Variants in EFNB1 observed in about 807,000 individuals in gnomAD.
EFNB1 encodes ephrin-B1.
EFNB1 carries 1 observed loss-of-function variant against 18.1 expected under a neutral mutation model. That is an observed-to-expected ratio of 0.06 (90% CI 0.02 to 0.26). The LOEUF is 0.26. Ranked by LOEUF, EFNB1 falls within the 10% of genes least tolerant of loss-of-function variation. The pLI, the probability that EFNB1 is intolerant of heterozygous loss-of-function variation, is 1.00. For synonymous variants in EFNB1, 131 were observed against 127.5 expected (o/e 1.03, Z -0.19); for missense variants, 221 against 301.8 (o/e 0.73, Z 1.98).
At position 68,837,944 on chromosome X, in the gene EFNB1, G is replaced by A. The variant is rs988443556; in HGVS notation, c.129-673G>A. On this transcript the variant is annotated intron_variant, in intron 1 of 4. Coordinates refer to ENST00000204961, the MANE Select transcript of EFNB1 (RefSeq NM_004429.5). Reference sequence around the variant, plus strand: ...GTGGGAGTGAGCAGAGCTGCACCTGGCCAGAGACTGTGGCCATCATCCCTT... The same window carrying A: ...GTGGGAGTGAGCAGAGCTGCACCTGACCAGAGACTGTGGCCATCATCCCTT... Among the ~76,000 whole-genome samples, 6 of 112,305 alleles carry A rather than the reference G, an allele frequency of 5.3e-5. No individual in the cohort carries two copies. In the East Asian group the frequency reaches 1.7e-3, roughly 32 times the overall value.
rs748103349 is a variant in EFNB1 at position 68,838,685 on chromosome X, G to A, written c.197G>A (p.Arg66Gln). 2.9e-5 allele frequency: 35 copies of A among 1,210,078 alleles called. No individual in the cohort carries two copies. The Admixed American group carries it at 7.2e-4, about 25-fold the overall frequency. Reference protein sequence around the residue: ...IGDKLDIICPRAEAGRPYEYY... With the variant: ...IGDKLDIICPQAEAGRPYEYY... ...GACAAGCTGGACATCATCTGCCCCCGAGCAGAAGCAGGGCGGCCCTATGAG... is the reference window on the plus strand; with the variant it reads ...GACAAGCTGGACATCATCTGCCCCCAAGCAGAAGCAGGGCGGCCCTATGAG... The change falls in exon 2 of 5, where the codon CGA becomes CAA. Residue 66 changes from arginine to glutamine, a missense_variant. Physicochemically the swap from Arg to Gln is conservative, Grantham distance 43. Transcript: ENST00000204961.
At chrX:68,830,190 C>A (rs1439347210) in intron 1 of EFNB1, among the ~76,000 whole-genome samples, 1 of 111,701 alleles carries the variant, frequency 9.0e-6, no homozygotes, top group Non-Finnish European at 1.9e-5. Context: ...GGAGTCCGGG[C>A]GCCCGAGAGC....
intron 1 of EFNB1, 67 bp downstream of exon 1, chrX:68,829,971 C>G: frequency 8.9e-7 from 1 of 1,128,448 alleles, no homozygotes. Context: ...CCGCACGCCC[C>G]GGAGTGCATG....
rs1048234475 is a variant in EFNB1, at chrX:68,833,887, A to G, written c.128+3983A>G. On this transcript the variant is annotated intron_variant, in intron 1 of 4. Transcript: ENST00000204961. ...CTCCCAACAACCCTGGGAAGTAGGT[A>G]TTGGTCCCATTTTCCAGATAAGAAG... Among the ~76,000 whole-genome samples, 3 of 112,555 alleles carry G rather than the reference A, an allele frequency of 2.7e-5. No individual in the cohort carries two copies. The East Asian group carries it at 8.4e-4, about 32-fold the overall frequency.
At chrX:68,838,303 C>G (rs2080467524) in intron 1 of EFNB1, among the ~76,000 whole-genome samples, 1 of 110,707 alleles carries the variant, frequency 9.0e-6, no homozygotes, top group African/African-American at 3.3e-5. Flanking sequence ...ACCTTGGTAC[C>G]CAGCCCATTG....
intron 1 of EFNB1, among the ~76,000 whole-genome samples, chrX:68,836,683 A>G (rs187469893): frequency 1.3e-4 from 14 of 111,547 alleles, no homozygotes; most frequent in African/African-American, 4.6e-4. Context: ...AAATGGAACC[A>G]CTCTTTTCTC....
intron 1 of EFNB1, among the ~76,000 whole-genome samples, chrX:68,837,371 C>T (rs1278011682): frequency 9.0e-6 from 1 of 111,724 alleles, no homozygotes; most frequent in Non-Finnish European, 1.9e-5. Context: ...CTTGTCTCCC[C>T]ACCACAATAT....
Position 68,838,869 on chromosome X carries a change from G to C in EFNB1, c.381G>C (p.Lys127Asn). The change falls in exon 2 of 5, where the codon AAG becomes AAC. Residue 127 changes from lysine to asparagine, a missense_variant. Physicochemically the swap from Lys to Asn is moderately conservative, Grantham distance 94. Transcript: ENST00000204961. ...FSPNYMGLEF[K>N]KHHDYYITST... ...CCAACTACATGGGCCTGGAGTTCAA[G>C]AAGCACCATGATTACTACATTACCT... 5.0e-6 allele frequency: 6 copies of C among 1,201,392 alleles called. No homozygotes were observed. Among genetic ancestry groups the C allele is most frequent in the Non-Finnish European group, 6.7e-6 (6 of 890,004 alleles).
chrX:68,832,158 G>GTCCCTCTCTGTCTCCC (rs2080447354), intron 1 of EFNB1, among the ~76,000 whole-genome samples: 1 of 110,303 alleles, frequency 9.1e-6, no homozygotes, highest in Non-Finnish European at 1.9e-5. Context: ...CAAATAAACA[G>GTCCCTCTCTGTCTCCC]TCCCTCTCTG....
chrX:68,841,376 CACACACACAAAA>C lies in EFNB1; in HGVS notation c.*724_*735del, dbSNP rs1421666246. On this transcript the variant is annotated 3_prime_UTR_variant, in exon 5 of 5. Transcript: ENST00000204961. ...ACCCTTCCACACACACACACACACA[CACACACACAAAA>C]AAAAATCCCTTCCTTGTGGGATTCT... 2 of 110,991 alleles carry C rather than the reference CACACACACAAAA, an allele frequency of 1.8e-5. No individual in the cohort carries two copies. Among genetic ancestry groups the C allele is most frequent in the African/African-American group, 6.6e-5 (2 of 30,278 alleles). The allele number at this position is 110,991 out of a possible 1,213,427, so 9.1% of individuals were successfully genotyped here. A position where few individuals can be genotyped will look rare whatever the true frequency, so the allele number is the denominator to read the frequency against.
Position 68,829,703 on chromosome X carries a change from C to T in EFNB1, c.-74C>T, listed in dbSNP as rs1301018134. 8.6e-7 allele frequency: 1 copy of T among 1,158,208 alleles called. No individual in the cohort carries two copies. Among genetic ancestry groups the T allele is most frequent in the Non-Finnish European group, 1.1e-6 (1 of 870,354 alleles). ...CGCCTGAGCGGCTCCGAGCGCAGCG[C>T]GGCAGAGGAAGGCGAGGCGAGCTTT... On this transcript the variant is annotated 5_prime_UTR_variant, in exon 1 of 5. Coordinates refer to ENST00000204961, the MANE Select transcript of EFNB1 (RefSeq NM_004429.5).
chrX:68,835,360 G>A (rs970577683), intron 1 of EFNB1, among the ~76,000 whole-genome samples: 1 of 111,444 alleles, frequency 9.0e-6, no homozygotes, highest in Admixed American at 9.4e-5. Flanking sequence ...GTCCTAGGGT[G>A]GGGGGAAGTA....
intron 1 of EFNB1, among the ~76,000 whole-genome samples, chrX:68,832,802 C>CTGTGTGTGTGTG (rs1466072890): frequency 1.4e-5 from 1 of 69,852 alleles, no homozygotes; most frequent in Admixed American, 1.5e-4. Flanking sequence ...TTAGGAACCT[C>CTGTGTGTGTGTG]TGTGTGTGCG....
At chrX:68,835,911 C>T (rs1452913169) in intron 1 of EFNB1, among the ~76,000 whole-genome samples, 1 of 111,259 alleles carries the variant, frequency 9.0e-6, no homozygotes, top group Non-Finnish European at 1.9e-5. Context: ...ACCTGGGTGG[C>T]AATGGGAGAC....
At chrX:68,839,009 C>T in intron 2 of EFNB1, 115 bp downstream of exon 2, 2 of 983,750 alleles carry the variant, frequency 2.0e-6, no homozygotes, top group South Asian at 4.3e-5. Context: ...TAAGACCCTG[C>T]TGGATCTGAT....
chrX:68,838,990 G>GCAC, intron 2 of EFNB1, 96 bp downstream of exon 2: 4 of 1,068,845 alleles, frequency 3.7e-6, no homozygotes, highest in Non-Finnish European at 3.8e-6. Context: ...CAATGCTATT[G>GCAC]CATGTAGTTA....
In EFNB1 at chrX:68,839,941, G is replaced by T; in HGVS notation, c.500-19G>T. On this transcript the variant is annotated intron_variant, in intron 3 of 4. Transcript: ENST00000204961. ...CTGGCCGGGTCCCTGCCTCTCACCT[G>T]TTCTGTCTCCATTCTTAGATCCCAA... 1.7e-6 allele frequency: 2 copies of T among 1,211,867 alleles called. No individual in the cohort carries two copies. The highest frequency in any genetic ancestry group is 2.2e-6 in the Non-Finnish European group (2 of 895,469).
chrX:68,840,387 G>T lies in EFNB1; in HGVS notation c.774G>T (p.Leu258=), dbSNP rs373289351. 8.3e-7 allele frequency: 1 copy of T among 1,210,411 alleles called. No individual in the cohort carries two copies. Among genetic ancestry groups the T allele is most frequent in the African/African-American group, 1.7e-5 (1 of 57,301 alleles). Residue 258 remains leucine, a synonymous_variant, in exon 5 of 5, where the codon CTG becomes CTT. Coordinates refer to ENST00000204961, the MANE Select transcript of EFNB1 (RefSeq NM_004429.5). ...CVIFLLIIIF[L]TVLLLKLRKR... is the part of the protein sequence containing the mutation. ...TCTTCCTGCTCATCATCATCTTCCT[G>T]ACGGTCCTACTACTGAAGCTACGCA...
At chrX:68,834,340 G>A (rs919375493) in intron 1 of EFNB1, among the ~76,000 whole-genome samples, 11 of 112,562 alleles carry the variant, frequency 9.8e-5, no homozygotes, top group Non-Finnish European at 9.4e-5. Context: ...TCGACATCGA[G>A]GAGGGGGGGT....
Sources: allele counts gnomAD v4.1 joint callset (sites outside exome capture counted in the v4.1 genomes callset), GRCh38; gene constraint gnomAD v4.1.1; transcripts MANE v1.5; gene names NCBI Gene and HGNC (gene_info 2026-07-23, HGNC 2026-07-21).